Variants in FHIT observed in about 807,000 individuals in gnomAD.
The protein encoded by FHIT is bis(5'-adenosyl)-triphosphatase.
Under a neutral mutation model 17.9 loss-of-function variants are expected in FHIT, and 19 were observed. The ratio of observed to expected loss-of-function variants is 1.06; its 90% CI spans 0.74 to 1.56. FHIT has a LOEUF of 1.56. FHIT is among the 40% of genes most tolerant of loss of function. The pLI is 0.00. For synonymous variants in FHIT, 81 were observed against 69.7 expected (o/e 1.16, Z -0.81); for missense variants, 248 against 189.2 (o/e 1.31, Z -1.82).
intron 2 of FHIT, among the ~76,000 whole-genome samples, chr3:61,044,776 C>T (rs961596226): frequency 1.3e-5 from 2 of 152,162 alleles, no homozygotes; most frequent in South Asian, 2.1e-4. Flanking sequence ...AGACTAACAG[C>T]GGATCTCTCA....
At chr3:60,856,852 A>C (rs1420524698) in intron 3 of FHIT, among the ~76,000 whole-genome samples, 1 of 152,014 alleles carries the variant, frequency 6.6e-6, no homozygotes, top group Non-Finnish European at 1.5e-5. Flanking sequence ...AAACCATGTA[A>C]CATCCTGGAC....
At chr3:59,940,829 C>T (rs896511216) in intron 7 of FHIT, among the ~76,000 whole-genome samples, 5 of 152,164 alleles carry the variant, frequency 3.3e-5, no homozygotes, top group African/African-American at 1.2e-4. Flanking sequence ...TTAGAAAATG[C>T]CTTATAAATG....
intron 8 of FHIT, among the ~76,000 whole-genome samples, chr3:59,826,638 C>T (rs996999743): frequency 6.6e-6 from 1 of 152,238 alleles, no homozygotes; most frequent in South Asian, 2.1e-4. Context: ...GTAGGAGACA[C>T]AATGTGCGCG....
chr3:59,990,886 G>T (rs1377169268), intron 7 of FHIT, among the ~76,000 whole-genome samples: 1 of 152,014 alleles, frequency 6.6e-6, no homozygotes, highest in Non-Finnish European at 1.5e-5. Flanking sequence ...AAGAACAAAA[G>T]ATTCCAGGAA....
chr3:61,095,666 A>G (rs1319414461), intron 2 of FHIT, among the ~76,000 whole-genome samples: 1 of 151,902 alleles, frequency 6.6e-6, no homozygotes, highest in Non-Finnish European at 1.5e-5. Context: ...AAAAAAATTC[A>G]TCTTTCCCTA....
At chr3:60,458,141 T>C (rs1334105864) in intron 5 of FHIT, among the ~76,000 whole-genome samples, 6 of 152,176 alleles carry the variant, frequency 3.9e-5, no homozygotes, top group Admixed American at 3.9e-4. Flanking sequence ...CACGTATGTT[T>C]ATTGCGGCAC....
At chr3:60,195,661 T>C (rs571079715) in intron 5 of FHIT, among the ~76,000 whole-genome samples, 27 of 147,722 alleles carry the variant, frequency 1.8e-4, no homozygotes, top group African/African-American at 5.7e-4. Context: ...TATACACACA[T>C]ATATATATGT....
chr3:60,264,506 CT>C (rs1706471693), intron 5 of FHIT, among the ~76,000 whole-genome samples: 1 of 152,002 alleles, frequency 6.6e-6, no homozygotes, highest in South Asian at 2.1e-4. Context: ...ACACACAGCA[CT>C]TTATCACTAT....
chr3:60,364,622 A>C (rs1361795975), intron 5 of FHIT, among the ~76,000 whole-genome samples: 1 of 152,362 alleles, frequency 6.6e-6, no homozygotes, highest in African/African-American at 2.4e-5. Context: ...ATATGTGTAC[A>C]TGCTGGTTCA....
At chr3:61,179,443 C>A (rs1160826829) in intron 2 of FHIT, among the ~76,000 whole-genome samples, 1 of 152,044 alleles carries the variant, frequency 6.6e-6, no homozygotes, top group Non-Finnish European at 1.5e-5. Context: ...GGCACAGTGA[C>A]CCACATCTGT....
intron 5 of FHIT, among the ~76,000 whole-genome samples, chr3:60,516,767 G>A (rs1040804258): frequency 3.9e-5 from 6 of 152,156 alleles, no homozygotes; most frequent in Admixed American, 3.3e-4. Context: ...AAGCATCTCC[G>A]CCAGAGTAAC....
At chr3:61,189,475 G>A (rs2107202272) in intron 2 of FHIT, among the ~76,000 whole-genome samples, 1 of 152,300 alleles carries the variant, frequency 6.6e-6, no homozygotes, top group South Asian at 2.1e-4. Context: ...CCATGGGTAG[G>A]AAGAATCAAT....
chr3:59,754,053 C>T (rs1159721418), intron 8 of FHIT, among the ~76,000 whole-genome samples: 1 of 151,888 alleles, frequency 6.6e-6, no homozygotes, highest in African/African-American at 2.4e-5. Flanking sequence ...TATCTCAGGC[C>T]CCAAACTCTA....
chr3:59,804,762 C>T (rs1257020891), intron 8 of FHIT, among the ~76,000 whole-genome samples: 1 of 152,200 alleles, frequency 6.6e-6, no homozygotes, highest in Non-Finnish European at 1.5e-5. Context: ...GTCTCACTGC[C>T]ACTTGGGTCT....
rs2032194999 is a variant in FHIT at position 60,457,710 on chromosome 3, A to G, written c.103+79150T>C. On this transcript the variant is annotated intron_variant, in intron 5 of 9. Coordinates refer to ENST00000492590, the MANE Select transcript of FHIT (RefSeq NM_002012.4). ...GACAAAGGGCTAATATCCAGAATCT[A>G]CAATGAACTCAAACAAATTTACAAG... is the stretch of plus-strand genomic sequence containing the variant. Among the ~76,000 whole-genome samples the G allele has an allele frequency of 2.7e-5, 4 of 150,290 alleles. No homozygotes were observed. The Admixed American group carries it at 2.7e-4, about 10-fold the overall frequency.
At chr3:60,947,664 G>A (rs1708699434) in intron 3 of FHIT, among the ~76,000 whole-genome samples, 1 of 152,142 alleles carries the variant, frequency 6.6e-6, no homozygotes, top group African/African-American at 2.4e-5. Context: ...CACACACACA[G>A]ACATCCAGAA....
chr3:59,780,458 A>T (rs780346), intron 8 of FHIT, among the ~76,000 whole-genome samples: 21,720 of 152,256 alleles, frequency 0.14, 1,628 homozygotes, highest in Middle Eastern at 0.18. Flanking sequence ...AGGAGAGCAC[A>T]CTGGCTCTAC....
At chr3:61,050,602 G>A (rs1409040250) in intron 2 of FHIT, among the ~76,000 whole-genome samples, 1 of 152,120 alleles carries the variant, frequency 6.6e-6, no homozygotes, top group Non-Finnish European at 1.5e-5. Flanking sequence ...GACAAGATAT[G>A]ATATCCAGCA....
At chr3:60,539,931 AAAGTAT>A (rs1349491272) in intron 4 of FHIT, among the ~76,000 whole-genome samples, 1 of 150,956 alleles carries the variant, frequency 6.6e-6, no homozygotes, top group Non-Finnish European at 1.5e-5. Context: ...CCTAGAACTT[AAAGTAT>A]AATAAAAATA....
Sources: allele counts gnomAD v4.1 joint callset (sites outside exome capture counted in the v4.1 genomes callset), GRCh38; gene constraint gnomAD v4.1.1; transcripts MANE v1.5; gene names NCBI Gene and HGNC (gene_info 2026-07-23, HGNC 2026-07-21).